Variants in DOK6 observed in about 807,000 individuals in gnomAD.
The protein encoded by DOK6 is downstream of tyrosine kinase 6.
DOK6 carries 22 observed loss-of-function variants against 44.0 expected under a neutral mutation model. The ratio of observed to expected loss-of-function variants is 0.50; its 90% CI spans 0.36 to 0.71. The LOEUF (loss-of-function observed/expected upper bound fraction) is 0.71, where lower values mean the gene tolerates loss of function less well. DOK6 is among the 30% of genes least tolerant of loss of function. The pLI is 0.00. For synonymous variants in DOK6, 166 were observed against 145.5 expected, an observed-to-expected ratio of 1.14 and a Z score of -1.01; for missense variants, 340 against 416.4, an observed-to-expected ratio of 0.82 and a Z score of 1.60.
chr18:69,486,458 G>A (rs1980580873), intron 1 of DOK6, among the ~76,000 whole-genome samples: 1 of 152,100 alleles, frequency 6.6e-6, no homozygotes, highest in Non-Finnish European at 1.5e-5. Flanking sequence ...TCCTGTGTGA[G>A]GTGATGTTCA....
chr18:69,622,470 T>G (rs11151518), intron 3 of DOK6, among the ~76,000 whole-genome samples: 103,972 of 151,736 alleles, frequency 0.69, 39,324 homozygotes, highest in Non-Finnish European at 0.85. Flanking sequence ...CACTAGAAAT[T>G]CTGTGAAATA....
At chr18:69,617,651 G>T (rs1984331588) in intron 3 of DOK6, among the ~76,000 whole-genome samples, 1 of 125,992 alleles carries the variant, frequency 7.9e-6, no homozygotes, top group Admixed American at 8.6e-5. Context: ...AAGGAAGGAG[G>T]GGAAAAGAGC....
intron 4 of DOK6, among the ~76,000 whole-genome samples, chr18:69,685,031 A>G (rs539186545): frequency 3.9e-5 from 6 of 152,330 alleles, no homozygotes; most frequent in African/African-American, 1.2e-4. Context: ...CCAGCTTTCA[A>G]TTCAGCCTAG....
At chr18:69,598,180 T>C (rs1224683870) in intron 2 of DOK6, among the ~76,000 whole-genome samples, 1 of 151,880 alleles carries the variant, frequency 6.6e-6, no homozygotes, top group East Asian at 1.9e-4. Flanking sequence ...GATAATAAAA[T>C]ATTATTTCCT....
At chr18:69,536,346 A>C (rs2144577485) in intron 1 of DOK6, among the ~76,000 whole-genome samples, 1 of 152,328 alleles carries the variant, frequency 6.6e-6, no homozygotes, top group Admixed American at 6.5e-5. Flanking sequence ...TAAATACTGT[A>C]GAATTTGCTC....
intron 1 of DOK6, among the ~76,000 whole-genome samples, chr18:69,479,070 GCT>G: frequency 1.3e-5 from 2 of 149,236 alleles, no homozygotes; most frequent in Non-Finnish European, 3.0e-5. Context: ...ACTGAAGGAT[GCT>G]TGCATTGGGA....
At chr18:69,759,703 G>A (rs1979479539) in intron 7 of DOK6, among the ~76,000 whole-genome samples, 1 of 152,182 alleles carries the variant, frequency 6.6e-6, no homozygotes, top group Admixed American at 6.5e-5. Context: ...CTTGAAGGAA[G>A]ATGTTGATTT....
At chr18:69,824,355 A>ATT (rs759256453) in intron 7 of DOK6, among the ~76,000 whole-genome samples, 39,441 of 150,904 alleles carry the variant, frequency 0.26, 5,164 homozygotes, top group Non-Finnish European at 0.27. Flanking sequence ...AAAAAAAAAA[A>ATT]TTTTTTGAGA....
chr18:69,463,628 T>G (rs1979846012), intron 1 of DOK6, among the ~76,000 whole-genome samples: 1 of 115,606 alleles, frequency 8.7e-6, no homozygotes, highest in South Asian at 3.5e-4. Flanking sequence ...CAAGACTGTT[T>G]CATTGACCTT....
chr18:69,618,630 A>G (rs527582926), intron 3 of DOK6: 3 of 152,876 alleles, frequency 2.0e-5, no homozygotes, highest in African/African-American at 7.2e-5. Flanking sequence ...AATGAGGGCC[A>G]AGCGAAACGG....
At chr18:69,720,910 A>G (rs1055508253) in intron 5 of DOK6, among the ~76,000 whole-genome samples, 1 of 152,120 alleles carries the variant, frequency 6.6e-6, no homozygotes, top group South Asian at 2.1e-4. Context: ...ACTAAATACA[A>G]CCAGAACGGA....
intron 3 of DOK6, among the ~76,000 whole-genome samples, chr18:69,606,136 G>A (rs1441680374): frequency 1.3e-5 from 2 of 151,904 alleles, no homozygotes; most frequent in Non-Finnish European, 2.9e-5. Flanking sequence ...GCCGGGCGTG[G>A]TGGTGCATGC....
At chr18:69,764,303 C>T (rs1426640782) in intron 7 of DOK6, among the ~76,000 whole-genome samples, 1 of 152,114 alleles carries the variant, frequency 6.6e-6, no homozygotes, top group African/African-American at 2.4e-5. Flanking sequence ...TATGGGACTG[C>T]ACGTGATGAC....
intron 1 of DOK6, among the ~76,000 whole-genome samples, chr18:69,480,144 T>C (rs528770954): frequency 6.6e-6 from 1 of 152,260 alleles, no homozygotes; most frequent in Non-Finnish European, 1.5e-5. Context: ...TAGTGATAAT[T>C]CAAAATAAGT....
chr18:69,743,820 T>TAAA lies in DOK6; in HGVS notation c.738+4731_738+4733dup, dbSNP rs35936116. Among the ~76,000 whole-genome samples, 125 of 94,260 alleles carry TAAA rather than the reference T, an allele frequency of 1.3e-3. 1 individual carries two copies. In the Middle Eastern group the frequency reaches 0.04, roughly 30 times the overall value. 61.8% of individuals were successfully genotyped at this position (94,260 alleles called of 152,430 possible). On this transcript the variant is annotated intron_variant, in intron 6 of 7. Transcript: ENST00000382713. Reference sequence around the variant, plus strand: ...TCACAAAATGAGAATTTCAGTGTATTAAAAAAAAAAAAAAAACAGCATTTA... The same window carrying TAAA: ...TCACAAAATGAGAATTTCAGTGTATTAAAAAAAAAAAAAAAAAAACAGCATTTA...
At chr18:69,561,594 A>G (rs980919370) in intron 1 of DOK6, among the ~76,000 whole-genome samples, 4 of 152,090 alleles carry the variant, frequency 2.6e-5, no homozygotes, top group African/African-American at 9.7e-5. Flanking sequence ...AGGAGCTCTA[A>G]AGGAGTAATA....
chr18:69,740,644 C>A (rs1978769061), intron 6 of DOK6, among the ~76,000 whole-genome samples: 1 of 152,188 alleles, frequency 6.6e-6, no homozygotes, highest in African/African-American at 2.4e-5. Flanking sequence ...CACTTACTGG[C>A]TGTATAATCT....
At chr18:69,619,125 A>C (rs1206945212) in intron 3 of DOK6, among the ~76,000 whole-genome samples, 2 of 152,212 alleles carry the variant, frequency 1.3e-5, no homozygotes, top group Non-Finnish European at 2.9e-5. Flanking sequence ...GAGAGAAAGC[A>C]AGTAAAGCCA....
In DOK6 at chr18:69,838,884, G is replaced by C. The variant is rs551770568; in HGVS notation, c.857-2360G>C. On this transcript the variant is annotated intron_variant, in intron 7 of 7. Coordinates refer to ENST00000382713, the MANE Select transcript of DOK6 (RefSeq NM_152721.6). The stretch of plus-strand genomic sequence containing the variant: ...TCCTGCAGCTCCTCCCCTAGTTCAT[G>C]ACTGCTTCTTTCCCTAGCCCCTCCA... Among the ~76,000 whole-genome samples, 416 of 134,074 alleles carry C rather than the reference G, an allele frequency of 3.1e-3. 2 individuals are homozygous for C. Among genetic ancestry groups the C allele is most frequent in the Middle Eastern group, 5.7e-3 (1 of 174 alleles). The allele number at this position is 134,074 out of a possible 152,430, so 88.0% of individuals were successfully genotyped here.
Sources: allele counts gnomAD v4.1 joint callset (sites outside exome capture counted in the v4.1 genomes callset), GRCh38; gene constraint gnomAD v4.1.1; transcripts MANE v1.5; gene names NCBI Gene and HGNC (gene_info 2026-07-23, HGNC 2026-07-21).